The following SMCHD1 variants were observed in gnomAD, a reference collection of about 807,000 sequenced individuals.
SMCHD1 encodes the protein structural maintenance of chromosomes flexible hinge domain containing 1.
Under a neutral mutation model 254.7 loss-of-function variants are expected in SMCHD1, and 78 were observed. The ratio of observed to expected loss-of-function variants is 0.31; its 90% confidence interval spans 0.26 to 0.37. The LOEUF is 0.37. Among genes scored for constraint, SMCHD1 ranks in the 10% least tolerant of loss-of-function variants. The probability of loss-of-function intolerance (pLI) is 1.00; values close to 1 mark genes in which losing one functional copy is unlikely to be tolerated. For synonymous variants in SMCHD1, 766 were observed against 794.9 expected (o/e 0.96, Z 0.61); for missense variants, 1,840 against 2,408.1 (o/e 0.76, Z 4.94).
At chr18:2,712,844 A>G (rs1184941159) in intron 17 of SMCHD1, among the ~76,000 whole-genome samples, 1 of 152,180 alleles carries the variant, frequency 6.6e-6, no homozygotes, top group Non-Finnish European at 1.5e-5. Context: ...TTTCATCTTT[A>G]GTGGCCTAGG....
intron 34 of SMCHD1, among the ~76,000 whole-genome samples, chr18:2,753,924 C>T (rs776137659): frequency 6.6e-6 from 1 of 152,142 alleles, no homozygotes; most frequent in Non-Finnish European, 1.5e-5. Flanking sequence ...AGAGTGGCAT[C>T]ACACTTACTC....
intron 5 of SMCHD1, among the ~76,000 whole-genome samples, chr18:2,686,023 G>C (rs957429356): frequency 4.6e-5 from 7 of 152,012 alleles, no homozygotes; most frequent in Admixed American, 4.6e-4. Flanking sequence ...AATCTGTCCA[G>C]TATTGTTTTC....
In SMCHD1 at chr18:2,703,246, C is replaced by CT. The variant is rs1488698942; in HGVS notation, c.1648-445dup. On this transcript the variant is annotated intron_variant, in intron 12 of 47. Coordinates refer to ENST00000320876, the MANE Select transcript of SMCHD1 (RefSeq NM_015295.3). ...AATTTTACTACTGCAGATTTACCAT[C>CT]TATCTGTTTGTATATTGTATTCACG... is the stretch of plus-strand genomic sequence containing the variant. Among the ~76,000 whole-genome samples, 6 of 152,254 alleles carry CT rather than the reference C, an allele frequency of 3.9e-5. No homozygotes were observed. The East Asian group carries it at 1.2e-3, about 29-fold the overall frequency.
intron 29 of SMCHD1, among the ~76,000 whole-genome samples, chr18:2,744,230 A>G (rs548173253): frequency 1.3e-5 from 2 of 152,304 alleles, no homozygotes; most frequent in South Asian, 2.1e-4. Context: ...CCATGTGCCA[A>G]TTACCTAGTT....
intron 12 of SMCHD1, among the ~76,000 whole-genome samples, chr18:2,701,933 T>G (rs1169834939): frequency 6.6e-6 from 1 of 152,196 alleles, no homozygotes; most frequent in Non-Finnish European, 1.5e-5. Flanking sequence ...TTTGCTCTTA[T>G]AAAGCTTGTG....
At chr18:2,694,844 T>C (rs765296247) in intron 8 of SMCHD1, among the ~76,000 whole-genome samples, 151 bp downstream of exon 8, 2 of 152,220 alleles carry the variant, frequency 1.3e-5, no homozygotes, top group Non-Finnish European at 2.9e-5. Flanking sequence ...ATATTGGTGT[T>C]AAAACAGCTC....
chr18:2,660,600 A>G (rs1384984589), intron 1 of SMCHD1, among the ~76,000 whole-genome samples: 10 of 151,512 alleles, frequency 6.6e-5, no homozygotes, highest in Non-Finnish European at 1.5e-4. Context: ...CAGCCTTCCA[A>G]ATAGCTGGGA....
intron 5 of SMCHD1, among the ~76,000 whole-genome samples, chr18:2,684,571 T>G (rs1185645782): frequency 6.6e-6 from 1 of 152,182 alleles, no homozygotes; most frequent in Non-Finnish European, 1.5e-5. Flanking sequence ...ATTGGAGTGT[T>G]TAGATCAGTT....
At chr18:2,794,918 G>A (rs1442246065) in intron 45 of SMCHD1, among the ~76,000 whole-genome samples, 1 of 152,022 alleles carries the variant, frequency 6.6e-6, no homozygotes, top group Non-Finnish European at 1.5e-5. Flanking sequence ...GTTCTGTGGT[G>A]GAAATTTTCC....
intron 28 of SMCHD1, among the ~76,000 whole-genome samples, chr18:2,742,633 ATTGT>A (rs1487432393): frequency 3.3e-5 from 5 of 152,160 alleles, no homozygotes; most frequent in African/African-American, 1.2e-4. Context: ...TCTACAGATC[ATTGT>A]TTGAGAACAT....
chr18:2,793,882 C>A (rs1206007766), intron 45 of SMCHD1, among the ~76,000 whole-genome samples: 2 of 150,438 alleles, frequency 1.3e-5, no homozygotes, highest in Non-Finnish European at 3.0e-5. Context: ...GGGTAGATTT[C>A]TTTTTAAAAC....
Position 2,708,901 on chromosome 18 carries a change from T to TAA in SMCHD1, c.2260+982_2260+983insAA, listed in dbSNP as rs1286623612. Among the ~76,000 whole-genome samples the TAA allele has an allele frequency of 4.5e-4, 27 of 60,104 alleles. 1 individual carries two copies. Among genetic ancestry groups the TAA allele is most frequent in the African/African-American group, 1.9e-3 (27 of 13,894 alleles). The allele number at this position is 60,104 out of a possible 152,430, so 39.4% of individuals were successfully genotyped here. A position where few individuals can be genotyped will look rare whatever the true frequency, so the allele number is the denominator to read the frequency against. ...ATATATATATATATATATATATATA[T>TAA]ATATATAACATATTAACATGAAATT... On this transcript the variant is annotated intron_variant, in intron 17 of 47. Transcript: ENST00000320876.
rs190449205 is a variant in SMCHD1, at chr18:2,674,907, G to T, written c.638+762G>T. 1.5e-3 allele frequency among the ~76,000 whole-genome samples: 223 copies of T among 152,268 alleles called. 4 individuals are homozygous for T. The highest frequency in any genetic ancestry group is 9.1e-4 in the Non-Finnish European group (62 of 68,020). The stretch of plus-strand genomic sequence containing the variant: ...GTGTGTTAATATAGCTAAAACATTG[G>T]TCTTCTAAAATTTCAGCACCCTCAG... On this transcript the variant is annotated intron_variant, in intron 5 of 47. Coordinates refer to ENST00000320876, the MANE Select transcript of SMCHD1 (RefSeq NM_015295.3).
chr18:2,722,700 A>T, intron 20 of SMCHD1, 37 bp downstream of exon 20: 1 of 1,549,128 alleles, frequency 6.5e-7, no homozygotes, highest in Non-Finnish European at 8.7e-7. Context: ...GTCCTTTGAT[A>T]TTTGCTAAGC....
chr18:2,703,747 A>T lies in SMCHD1; in HGVS notation c.1703A>T (p.Glu568Val). The change falls in exon 13 of 48, where the codon GAG becomes GTG. Residue 568 changes from glutamate to valine, a missense_variant. This residue lies in a region of SMCHD1 where 498 missense variants were observed against 743.5 expected (regional missense o/e 0.67). Transcript: ENST00000320876. ...GCTTTGTGGCTGAAGGACTGTCATG[A>T]GAAGTATGATAAACAAATAAAATTT... is the stretch of plus-strand genomic sequence containing the variant. ...EFALWLKDCH[E>V]KYDKQIKFTL... is the part of the protein sequence containing the mutation. The T allele has an allele frequency of 6.2e-7, 1 of 1,612,398 alleles. No homozygotes were observed. Among genetic ancestry groups the T allele is most frequent in the Non-Finnish European group, 8.5e-7 (1 of 1,179,182 alleles).
At chr18:2,709,246 A>ATATATATGTATATATATATATG (rs759808617) in intron 17 of SMCHD1, among the ~76,000 whole-genome samples, 2 of 107,450 alleles carry the variant, frequency 1.9e-5, no homozygotes, top group African/African-American at 5.9e-5. Flanking sequence ...ATATATATAT[A>ATATATATGTATATATATATATG]TATACACACA....
At chr18:2,780,983 G>T (rs1261669612) in intron 44 of SMCHD1, among the ~76,000 whole-genome samples, 1 of 152,176 alleles carries the variant, frequency 6.6e-6, no homozygotes, top group Non-Finnish European at 1.5e-5. Context: ...AGTGGAAGTG[G>T]GAACCTGGAG....
At chr18:2,681,711 G>A (rs918849401) in intron 5 of SMCHD1, among the ~76,000 whole-genome samples, 23 of 151,820 alleles carry the variant, frequency 1.5e-4, no homozygotes, top group Non-Finnish European at 2.6e-4. Flanking sequence ...AATTATAATA[G>A]TATGTGTATA....
intron 15 of SMCHD1, 77 bp downstream of exon 15, chr18:2,706,547 C>T (rs951808293): frequency 5.1e-6 from 5 of 977,742 alleles, no homozygotes; most frequent in Non-Finnish European, 6.2e-6. Flanking sequence ...CTGAGTATGT[C>T]ATTTACTCTG....
Sources: gnomAD v4.1 joint callset for allele counts (sites outside exome capture counted in the v4.1 genomes callset) on GRCh38, gnomAD v4.1.1 for gene constraint, gnomAD v4.1.1 regional missense constraint, MANE v1.5 for transcripts, NCBI Gene and HGNC (gene_info 2026-07-23, HGNC 2026-07-21) for gene names.